Variants in OR2L13 observed in about 807,000 individuals in gnomAD.
OR2L13 encodes olfactory receptor family 2 subfamily L member 13.
Under a neutral mutation model 15.3 loss-of-function variants are expected in OR2L13, and 14 were observed. The observed-to-expected ratio is 0.91, with a 90% CI of 0.60 to 1.43. OR2L13 has a LOEUF of 1.43. Among genes scored for constraint, OR2L13 ranks in the 40% most tolerant of loss-of-function variants. The pLI is 0.00. For synonymous variants in OR2L13, 152 were observed against 142.9 expected (o/e 1.06, Z -0.45); for missense variants, 367 against 387.9 (o/e 0.95, Z 0.45).
chr1:247,975,904 T>G, the OR2L13 span, among the ~76,000 whole-genome samples: 1 of 152,290 alleles, frequency 6.6e-6, no homozygotes, highest in African/African-American at 2.4e-5. Context: ...CAGTAGGGTT[T>G]CATTAAAATT....
chr1:247,976,728 G>A, the OR2L13 span, among the ~76,000 whole-genome samples: 4 of 152,012 alleles, frequency 2.6e-5, no homozygotes, highest in African/African-American at 9.7e-5. Flanking sequence ...TCTTTAGTAG[G>A]GTATGTGATT....
chr1:248,013,741 A>G, the OR2L13 span: 1 of 152,174 alleles, frequency 6.6e-6, no homozygotes, highest in Non-Finnish European at 1.5e-5. Flanking sequence ...AATAAAAGGT[A>G]CTGATTATAT....
At chr1:248,078,018 A>T in the OR2L13 span, among the ~76,000 whole-genome samples, 1 of 152,264 alleles carries the variant, frequency 6.6e-6, no homozygotes, top group Non-Finnish European at 1.5e-5. Flanking sequence ...ACACCTAAAT[A>T]AGCAAAACAA....
At chr1:247,971,648 A>C in the OR2L13 span, among the ~76,000 whole-genome samples, 1 of 152,140 alleles carries the variant, frequency 6.6e-6, no homozygotes. Context: ...GGCTAGACTT[A>C]AACTTCCACG....
chr1:247,961,976 A>G, the OR2L13 span, among the ~76,000 whole-genome samples: 1 of 152,184 alleles, frequency 6.6e-6, no homozygotes, highest in African/African-American at 2.4e-5. Flanking sequence ...AAGGGGGCCA[A>G]TTTGGTCAGG....
the OR2L13 span, among the ~76,000 whole-genome samples, chr1:248,056,948 C>T: frequency 0.18 from 26,963 of 151,036 alleles, 2,725 homozygotes; most frequent in East Asian, 0.28. Flanking sequence ...CTGTGCCTGG[C>T]CTTGAGGGGG....
At chr1:247,954,584 G>C in the OR2L13 span, among the ~76,000 whole-genome samples, 1 of 151,108 alleles carries the variant, frequency 6.6e-6, no homozygotes, top group African/African-American at 2.4e-5. Flanking sequence ...TATCAATCAA[G>C]GTCCTTAATT....
the OR2L13 span, chr1:248,022,255 T>G: frequency 6.2e-7 from 1 of 1,614,212 alleles, no homozygotes; most frequent in South Asian, 1.1e-5. Context: ...AGTTTCTTCT[T>G]CATGACTTTT....
At chr1:248,025,542 G>C in the OR2L13 span, among the ~76,000 whole-genome samples, 27 of 149,320 alleles carry the variant, frequency 1.8e-4, no homozygotes, top group African/African-American at 6.4e-4. Flanking sequence ...TCAGTGTGGC[G>C]ATTCCTCAGG....
chr1:247,949,543 C>G, the OR2L13 span: 1 of 1,613,956 alleles, frequency 6.2e-7, no homozygotes, highest in Non-Finnish European at 8.5e-7. Flanking sequence ...CACATGAAAT[C>G]TGCAGAAGGG....
the OR2L13 span, chr1:248,004,183 G>GA: frequency 9.8e-4 from 801 of 816,800 alleles, no homozygotes; most frequent in South Asian, 1.7e-3. Context: ...ATCAACAGAA[G>GA]AAAAAAAAAT....
At chr1:248,023,051 T>C in the OR2L13 span, 5 of 614,626 alleles carry the variant, frequency 8.1e-6, no homozygotes, top group African/African-American at 1.8e-5. Context: ...TTCTAAGACA[T>C]CTATTTTGTT....
the OR2L13 span, among the ~76,000 whole-genome samples, chr1:247,980,046 A>C: frequency 1.3e-5 from 2 of 152,276 alleles, no homozygotes; most frequent in East Asian, 3.9e-4. Flanking sequence ...ATAAAATTCC[A>C]AATATATAAA....
chr1:248,072,895 T>A, the OR2L13 span, among the ~76,000 whole-genome samples: 2 of 152,098 alleles, frequency 1.3e-5, no homozygotes, highest in African/African-American at 4.8e-5. Context: ...TCACTGGCCA[T>A]CAGGGAAATG....
the OR2L13 span, among the ~76,000 whole-genome samples, chr1:248,046,504 A>G: frequency 0.045 from 6,794 of 152,244 alleles, 493 homozygotes; most frequent in African/African-American, 0.15. Flanking sequence ...GTGAATAAAT[A>G]TATTTGTTTC....
upstream of OR2L13, among the ~76,000 whole-genome samples, chr1:248,094,314 A>G (rs376956424): frequency 3.9e-5 from 6 of 152,202 alleles, no homozygotes; most frequent in East Asian, 3.8e-4. Flanking sequence ...GCCTTCAAAG[A>G]TAAAAAAAGA....
the OR2L13 span, among the ~76,000 whole-genome samples, chr1:247,942,182 T>G: frequency 1.3e-5 from 2 of 152,088 alleles, no homozygotes; most frequent in East Asian, 3.9e-4. Flanking sequence ...AAATTCTGGG[T>G]TTTTAACCAA....
the OR2L13 span, among the ~76,000 whole-genome samples, chr1:248,066,697 T>C: frequency 6.6e-6 from 1 of 152,248 alleles, no homozygotes; most frequent in East Asian, 1.9e-4. Flanking sequence ...AGTCCCTCTA[T>C]TCACTGCCCT....
the OR2L13 span, among the ~76,000 whole-genome samples, chr1:247,988,259 A>G: frequency 3.9e-5 from 6 of 151,914 alleles, no homozygotes; most frequent in South Asian, 2.1e-4. Flanking sequence ...CTAATTTTCA[A>G]TACTTTTAGG....
Sources: allele counts gnomAD v4.1 joint callset (sites outside exome capture counted in the v4.1 genomes callset), GRCh38; gene constraint gnomAD v4.1.1; transcripts MANE v1.5; gene names NCBI Gene and HGNC (gene_info 2026-07-23, HGNC 2026-07-21).